Variants in IHO1 observed in about 807,000 individuals in gnomAD.
The protein encoded by IHO1 is interactor of HORMAD1 1.
In IHO1, 13 loss-of-function variants were observed where a neutral mutation model predicts 31.0. The ratio of observed to expected loss-of-function variants is 0.42; its 90% CI spans 0.27 to 0.67. The LOEUF is 0.67. IHO1 is among the 30% of genes least tolerant of loss of function. The pLI is 0.24. For synonymous variants in IHO1, 221 were observed against 248.4 expected (o/e 0.89, Z 1.04); for missense variants, 599 against 687.5 (o/e 0.87, Z 1.44).
intron 2 of IHO1, among the ~76,000 whole-genome samples, chr3:49,217,204 C>T (rs1301169864): frequency 6.6e-6 from 1 of 152,082 alleles, no homozygotes; most frequent in Admixed American, 6.6e-5. Flanking sequence ...TTTATTGTGG[C>T]ACTGTTAACA....
intron 3 of IHO1, 78 bp from the exon 4 acceptor site, chr3:49,241,148 C>A: frequency 8.4e-7 from 1 of 1,184,640 alleles, no homozygotes; most frequent in Non-Finnish European, 1.2e-6. Context: ...TTAAATGTGA[C>A]TCTGCATTGT....
intron 1 of IHO1, among the ~76,000 whole-genome samples, chr3:49,207,887 C>T (rs981013901): frequency 6.6e-6 from 1 of 151,914 alleles, no homozygotes; most frequent in Non-Finnish European, 1.5e-5. Flanking sequence ...CATTCTCCTG[C>T]CTCAGCCTCC....
In IHO1 at chr3:49,236,688, G is replaced by T. The variant is rs759518048; in HGVS notation, c.197G>T (p.Arg66Ile). Reference sequence around the variant, plus strand: ...CCCTTGGACTTTGGTGCCCACTTGAGACATTCAAAACAGTCACAACAGAAC... The same window carrying T: ...CCCTTGGACTTTGGTGCCCACTTGATACATTCAAAACAGTCACAACAGAAC... ...SAPLDFGAHL[R>I]HSKQSQQNYL... Residue 66 changes from arginine to isoleucine, a missense_variant, in exon 3 of 8, where the codon AGA becomes ATA. Arg to Ile is a moderately conservative substitution (Grantham distance 97). Transcript: ENST00000452691. The T allele has an allele frequency of 6.2e-7, 1 of 1,613,886 alleles. No individual in the cohort carries two copies. Among genetic ancestry groups the T allele is most frequent in the Non-Finnish European group, 8.5e-7 (1 of 1,179,984 alleles).
chr3:49,216,836 C>T (rs1252655382), intron 2 of IHO1, among the ~76,000 whole-genome samples: 3 of 152,162 alleles, frequency 2.0e-5, no homozygotes, highest in Non-Finnish European at 4.4e-5. Context: ...AGAATATGAA[C>T]AGACACTTCT....
intron 2 of IHO1, among the ~76,000 whole-genome samples, chr3:49,216,764 C>A (rs573340210): frequency 6.6e-6 from 1 of 152,172 alleles, no homozygotes; most frequent in African/African-American, 2.4e-5. Context: ...GGCTAATATC[C>A]AGAATCTACA....
At chr3:49,236,476 C>A in intron 2 of IHO1, 72 bp from the exon 3 acceptor site, 1 of 1,122,036 alleles carries the variant, frequency 8.9e-7, no homozygotes, top group Non-Finnish European at 1.3e-6. Flanking sequence ...CTGAAATGGA[C>A]AGCTGTGAAC....
chr3:49,231,322 G>A (rs2046479407), intron 2 of IHO1, among the ~76,000 whole-genome samples: 1 of 152,116 alleles, frequency 6.6e-6, no homozygotes, highest in Non-Finnish European at 1.5e-5. Flanking sequence ...AAACAAAACT[G>A]TTTCCATTTT....
At chr3:49,250,372 AAG>A in intron 6 of IHO1, among the ~76,000 whole-genome samples, 1 of 152,312 alleles carries the variant, frequency 6.6e-6, no homozygotes, top group Admixed American at 6.5e-5. Flanking sequence ...GCTCCTATAA[AAG>A]AGAAGACGCC....
chr3:49,232,799 A>T (rs1027571453), intron 2 of IHO1, among the ~76,000 whole-genome samples: 1 of 152,232 alleles, frequency 6.6e-6, no homozygotes, highest in Non-Finnish European at 1.5e-5. Flanking sequence ...GGTGATCACC[A>T]TTGCCATGAG....
At chr3:49,216,076 A>G (rs1163015539) in intron 2 of IHO1, among the ~76,000 whole-genome samples, 1 of 152,196 alleles carries the variant, frequency 6.6e-6, no homozygotes, top group East Asian at 1.9e-4. Context: ...GGCTCACAAT[A>G]TGTACTTATA....
rs141632499 is a variant in IHO1, at chr3:49,225,682, A to G, written c.57-10866A>G. ...GGGACTTTCAGGCACAACAAGAAAGACATGTGAAAAGAGCAAAGTCTCCCA... is the reference window on the plus strand; with the variant it reads ...GGGACTTTCAGGCACAACAAGAAAGGCATGTGAAAAGAGCAAAGTCTCCCA... On this transcript the variant is annotated intron_variant, in intron 2 of 7. Coordinates refer to ENST00000452691, the MANE Select transcript of IHO1 (RefSeq NM_001135197.2). Among the ~76,000 whole-genome samples the G allele has an allele frequency of 6.0e-3, 908 of 152,298 alleles. 9 individuals are homozygous for G. Among genetic ancestry groups the G allele is most frequent in the African/African-American group, 0.02 (848 of 41,572 alleles).
In IHO1 at chr3:49,257,220, G is replaced by A. The variant is rs2046837552; in HGVS notation, c.1723G>A (p.Glu575Lys). 1.2e-6 allele frequency: 2 copies of A among 1,614,182 alleles called. No homozygotes were observed. The highest frequency in any genetic ancestry group is 1.7e-5 in the Admixed American group (1 of 59,994). The change falls in exon 8 of 8, where the codon GAG (glutamate) becomes AAG (lysine). Residue 575 changes from glutamate (E) to lysine (K), a missense_variant. Transcript: ENST00000452691. Reference sequence around the variant, plus strand: ...ATGTTCAGAGACCCCTCTATGCAAGGAGGCAGGAAAGAATTTGCTCTATGA... The same window carrying A: ...ATGTTCAGAGACCCCTCTATGCAAGAAGGCAGGAAAGAATTTGCTCTATGA... ...LGCSETPLCK[E>K]AGKNLLYDLG...
At chr3:49,214,601 C>T (rs2046261236) in intron 2 of IHO1, among the ~76,000 whole-genome samples, 1 of 65,308 alleles carries the variant, frequency 1.5e-5, no homozygotes, top group Non-Finnish European at 2.7e-5. Context: ...ATCTTTATTT[C>T]TAGATCATAT....
At chr3:49,250,256 A>G (rs1233786687) in intron 6 of IHO1, among the ~76,000 whole-genome samples, 3 of 152,222 alleles carry the variant, frequency 2.0e-5, no homozygotes, top group African/African-American at 4.8e-5. Flanking sequence ...TCATTTTTCA[A>G]TGTATGCCTT....
chr3:49,202,851 A>ATTTTT (rs71077774), intron 1 of IHO1, among the ~76,000 whole-genome samples: 5 of 90,142 alleles, frequency 5.5e-5, no homozygotes, highest in African/African-American at 8.9e-5. Flanking sequence ...AATTTTTTGT[A>ATTTTT]TTTTTTTTTT....
At chr3:49,215,297 C>T (rs546493975) in intron 2 of IHO1, among the ~76,000 whole-genome samples, 3 of 152,154 alleles carry the variant, frequency 2.0e-5, no homozygotes, top group East Asian at 1.9e-4. Flanking sequence ...GTAATCCAAC[C>T]GCCTCAGCCT....
upstream of IHO1, among the ~76,000 whole-genome samples, chr3:49,196,198 T>C (rs1575558590): frequency 8.5e-6 from 1 of 117,890 alleles, no homozygotes; most frequent in Non-Finnish European, 1.7e-5. Flanking sequence ...ACCACTGCAC[T>C]CCAGCCTGGG....
chr3:49,219,013 C>T (rs1200724952), intron 2 of IHO1, among the ~76,000 whole-genome samples: 1 of 151,978 alleles, frequency 6.6e-6, no homozygotes, highest in African/African-American at 2.4e-5. Flanking sequence ...GATCCTGTCT[C>T]AAAAAATGAA....
chr3:49,212,546 C>T lies in IHO1; in HGVS notation c.56+710C>T, dbSNP rs2046235330. Reference sequence around the variant, plus strand: ...AAAAAAAAAAAAGAGGGTTCCCTTCCCATCAGGTTATAATAATGGAAGTGT... The same window carrying T: ...AAAAAAAAAAAAGAGGGTTCCCTTCTCATCAGGTTATAATAATGGAAGTGT... On this transcript the variant is annotated intron_variant, in intron 2 of 7. Transcript: ENST00000452691. Among the ~76,000 whole-genome samples, 2 of 151,910 alleles carry T rather than the reference C, an allele frequency of 1.3e-5. 1 individual carries two copies. Among genetic ancestry groups the T allele is most frequent in the South Asian group, 4.2e-4 (2 of 4,810 alleles).
Sources: gnomAD v4.1 joint callset for allele counts (sites outside exome capture counted in the v4.1 genomes callset) on GRCh38, gnomAD v4.1.1 for gene constraint, MANE v1.5 for transcripts, NCBI Gene and HGNC (gene_info 2026-07-23, HGNC 2026-07-21) for gene names.